NCF2: variants seen among roughly 807,000 people sequenced by gnomAD.
NCF2 encodes the protein neutrophil cytosolic factor 2.
NCF2 carries 45 observed loss-of-function variants against 70.9 expected under a neutral mutation model. That is an observed-to-expected ratio of 0.63 (90% CI 0.50 to 0.81). The LOEUF (loss-of-function observed/expected upper bound fraction) is 0.81, where lower values mean the gene tolerates loss of function less well. Among genes scored for constraint, NCF2 ranks in the 40% least tolerant of loss-of-function variants. The pLI is 0.00. For synonymous variants in NCF2, 203 were observed against 233.6 expected, an observed-to-expected ratio of 0.87 and a Z score of 1.19; for missense variants, 522 against 631.6, an observed-to-expected ratio of 0.83 and a Z score of 1.86.
chr1:183,578,672 T>C (rs1672917500), intron 2 of NCF2, among the ~76,000 whole-genome samples: 1 of 152,312 alleles, frequency 6.6e-6, no homozygotes, highest in African/African-American at 2.4e-5. Flanking sequence ...CAGCCCCAGA[T>C]AGTTTTTCTA....
the NCF2 span, among the ~76,000 whole-genome samples, chr1:183,597,287 T>C: frequency 1.3e-5 from 2 of 152,226 alleles, no homozygotes; most frequent in African/African-American, 4.8e-5. Context: ...GGAAGATTCC[T>C]GTCTCAGGAT....
upstream of NCF2, among the ~76,000 whole-genome samples, chr1:183,592,731 A>T (rs1018468674): frequency 6.6e-5 from 10 of 152,292 alleles, no homozygotes; most frequent in South Asian, 1.2e-3. Flanking sequence ...CTTCATTTTT[A>T]AAAAATGTTT....
At chr1:183,598,954 G>A in the NCF2 span, among the ~76,000 whole-genome samples, 3 of 152,208 alleles carry the variant, frequency 2.0e-5, no homozygotes, top group East Asian at 3.9e-4. Context: ...TTCTAGAAGT[G>A]GTATCAAAGA....
chr1:183,562,460 C>T (rs933359730), intron 13 of NCF2, among the ~76,000 whole-genome samples: 1 of 152,142 alleles, frequency 6.6e-6, no homozygotes, highest in Non-Finnish European at 1.5e-5. Context: ...GTCTCATCCC[C>T]AGTGGCTGTA....
In NCF2 at chr1:183,565,715, T is replaced by C; in HGVS notation, c.989A>G (p.Gln330Arg). Residue 330 changes from glutamine to arginine, a missense_variant, in exon 10 of 15, where the codon CAG becomes CGG. Physicochemically the swap from Gln to Arg is conservative, Grantham distance 43. Coordinates refer to ENST00000367535, the MANE Select transcript of NCF2 (RefSeq NM_000433.4). ...CCAGGACCACTCACCTGGTGACAGC[T>C]GGGGTCTTCCAGGGGCTTTGGAACT... ...PPSSKAPGRP[Q>R]LSPGQKQKEE... The C allele has an allele frequency of 1.2e-6, 2 of 1,612,498 alleles. No homozygotes were observed. Among genetic ancestry groups the C allele is most frequent in the Non-Finnish European group, 1.7e-6 (2 of 1,179,996 alleles).
At chr1:183,575,282 C>T (rs887696948) in intron 3 of NCF2, among the ~76,000 whole-genome samples, 7 of 152,204 alleles carry the variant, frequency 4.6e-5, no homozygotes, top group African/African-American at 1.7e-4. Flanking sequence ...TCAGCCTGGC[C>T]AACATGGAGA....
At chr1:183,583,361 G>A (rs1481686322) in intron 2 of NCF2, among the ~76,000 whole-genome samples, 1 of 152,120 alleles carries the variant, frequency 6.6e-6, no homozygotes, top group African/African-American at 2.4e-5. Flanking sequence ...GCCAATCTGA[G>A]GGAATTTCTG....
Position 183,556,124 on chromosome 1 carries a change from T to C in NCF2, c.1575A>G (p.Glu525=), listed in dbSNP as rs1418295736. The C allele has an allele frequency of 6.2e-7, 1 of 1,613,698 alleles. No individual in the cohort carries two copies. The highest frequency in any genetic ancestry group is 8.5e-7 in the Non-Finnish European group (1 of 1,179,646). The change falls in exon 15 of 15, where the codon GAA becomes GAG. Residue 525 remains glutamate (E), a synonymous_variant. Coordinates refer to ENST00000367535, the MANE Select transcript of NCF2 (RefSeq NM_000433.4). ...ATTDLESTRR[E]V The stretch of plus-strand genomic sequence containing the variant: ...TTGTAGTTTGTGAAACATCCTAGAC[T>C]TCTCTCCGAGTGCTTTCCAAATCTG...
intron 2 of NCF2, among the ~76,000 whole-genome samples, chr1:183,578,432 G>A (rs775374276): frequency 2.6e-5 from 4 of 151,136 alleles, no homozygotes; most frequent in African/African-American, 9.8e-5. Flanking sequence ...ATTTCAGCTC[G>A]CTGCAAGCTC....
chr1:183,577,321 C>T (rs1672840208), intron 3 of NCF2, among the ~76,000 whole-genome samples: 2 of 152,250 alleles, frequency 1.3e-5, no homozygotes, highest in Non-Finnish European at 2.9e-5. Flanking sequence ...CGTGTCCAGC[C>T]TCCCTTCAGA....
chr1:183,594,427 G>A (rs769727962), upstream of NCF2, among the ~76,000 whole-genome samples: 9 of 152,020 alleles, frequency 5.9e-5, no homozygotes, highest in Non-Finnish European at 1.0e-4. Flanking sequence ...TAAAAATAAC[G>A]TTTTCTACAA....
intron 13 of NCF2, among the ~76,000 whole-genome samples, chr1:183,562,652 G>A (rs1020811881): frequency 2.6e-5 from 4 of 152,048 alleles, no homozygotes; most frequent in African/African-American, 9.7e-5. Context: ...GGCCAAGATG[G>A]TGAAACCCCG....
the NCF2 span, among the ~76,000 whole-genome samples, chr1:183,600,572 T>C: frequency 3.9e-5 from 6 of 152,194 alleles, no homozygotes; most frequent in Non-Finnish European, 7.4e-5. Context: ...AACTCTTGGC[T>C]CAGATTAGAA....
intron 7 of NCF2, among the ~76,000 whole-genome samples, chr1:183,567,975 T>C (rs1245172444): frequency 6.6e-6 from 1 of 152,136 alleles, no homozygotes; most frequent in Non-Finnish European, 1.5e-5. Context: ...AACGTGTGAC[T>C]GAGAGGCTGG....
At position 183,581,747 on chromosome 1, in the gene NCF2, G is replaced by C. The variant is rs35048410; in HGVS notation, c.258-4040C>G. On this transcript the variant is annotated intron_variant, in intron 2 of 14. Transcript: ENST00000367535. ...GCAGTGGCGCGATCTCGGCTCACTGGAAGCTCCGCCTCCCGGTTCACGCCA... is the reference window on the plus strand; with the variant it reads ...GCAGTGGCGCGATCTCGGCTCACTGCAAGCTCCGCCTCCCGGTTCACGCCA... 6.7e-3 allele frequency among the ~76,000 whole-genome samples: 1,020 copies of C among 151,830 alleles called. 12 individuals carry two copies. Among genetic ancestry groups the C allele is most frequent in the African/African-American group, 0.023 (965 of 41,408 alleles).
upstream of NCF2, among the ~76,000 whole-genome samples, chr1:183,594,208 C>A (rs192168842): frequency 1.4e-4 from 21 of 152,152 alleles, no homozygotes; most frequent in Admixed American, 1.3e-3. Context: ...GAGTTAGAGA[C>A]CAGCCTGGGC....
In NCF2 at chr1:183,556,173, A is replaced by ACTT; in HGVS notation, c.1523_1525dup (p.Lys508_Val509insGlu). On this transcript the variant is annotated inframe_insertion, in exon 15 of 15. Coordinates refer to ENST00000367535, the MANE Select transcript of NCF2 (RefSeq NM_000433.4). The stretch of plus-strand genomic sequence containing the variant: ...TGTAGTTGCGCAGTCTTCAACAAAA[A>ACTT]CTTTGGGGAAAATGCCCACCTTCCC... 1 of 1,614,116 alleles carries ACTT rather than the reference A, an allele frequency of 6.2e-7. No individual in the cohort carries two copies. The highest frequency in any genetic ancestry group is 1.3e-5 in the African/African-American group (1 of 75,016).
chr1:183,589,513 A>T (rs1673539100), intron 1 of NCF2, among the ~76,000 whole-genome samples: 1 of 152,222 alleles, frequency 6.6e-6, no homozygotes, highest in African/African-American at 2.4e-5. Flanking sequence ...ATTATCGAGA[A>T]TGCTTAACTC....
At chr1:183,600,783 A>C in the NCF2 span, among the ~76,000 whole-genome samples, 2 of 152,122 alleles carry the variant, frequency 1.3e-5, no homozygotes, top group Non-Finnish European at 2.9e-5. Flanking sequence ...GCCTCCCAGA[A>C]TGATGGGTTC....
Sources: allele counts gnomAD v4.1 joint callset (sites outside exome capture counted in the v4.1 genomes callset), GRCh38; gene constraint gnomAD v4.1.1; transcripts MANE v1.5; gene names NCBI Gene and HGNC (gene_info 2026-07-23, HGNC 2026-07-21).